The following MAMSTR variants were observed in gnomAD, a reference collection of about 807,000 sequenced individuals.
The protein encoded by MAMSTR is MEF2 activating motif and SAP domain containing transcriptional regulator, also known as MEF2-activating motif and SAP domain-containing transcriptional regulator.
In MAMSTR, 41 loss-of-function variants were observed where a neutral mutation model predicts 42.7. The observed-to-expected ratio is 0.96, with a 90% CI of 0.75 to 1.25. The LOEUF is 1.25. Ranked by LOEUF, MAMSTR falls within the 50% of genes most tolerant of loss-of-function variation. MAMSTR has a pLI of 0.00. For synonymous variants in MAMSTR, 265 were observed against 244.1 expected, an observed-to-expected ratio of 1.09 and a Z score of -0.80; for missense variants, 567 against 557.6, an observed-to-expected ratio of 1.02 and a Z score of -0.17.
chr19:48,714,344 A>T, intron 7 of MAMSTR, 22 bp downstream of exon 7: 1 of 1,356,430 alleles, frequency 7.4e-7, no homozygotes, highest in Non-Finnish European at 9.4e-7. Flanking sequence ...ATTGGTCCGC[A>T]AGCTCATAGC....
intron 3 of MAMSTR, among the ~76,000 whole-genome samples, chr19:48,716,104 G>T (rs1360098124): frequency 6.6e-6 from 1 of 152,070 alleles, no homozygotes; most frequent in Non-Finnish European, 1.5e-5. Context: ...GGCCGGCCGC[G>T]GTGGCTCACG....
downstream of MAMSTR, among the ~76,000 whole-genome samples, chr19:48,710,079 G>C (rs770932257): frequency 5.3e-5 from 8 of 151,492 alleles, no homozygotes; most frequent in Non-Finnish European, 1.0e-4. Flanking sequence ...CCGTGGTCTT[G>C]ATCTCCGGAC....
chr19:48,716,261 A>G (rs2033025059), intron 3 of MAMSTR, among the ~76,000 whole-genome samples: 1 of 150,708 alleles, frequency 6.6e-6, no homozygotes, highest in East Asian at 1.9e-4. Context: ...CTGTAATCTC[A>G]GCTACTCAGG....
At position 48,713,210 on chromosome 19, in the gene MAMSTR, A is replaced by G; in HGVS notation, c.*57T>C. The G allele has an allele frequency of 6.7e-7, 1 of 1,490,420 alleles. No homozygotes were observed. Among genetic ancestry groups the G allele is most frequent in the Non-Finnish European group, 9.0e-7 (1 of 1,114,918 alleles). The allele number at this position is 1,490,420 out of a possible 1,614,324, so 92.3% of individuals were successfully genotyped here. On this transcript the variant is annotated 3_prime_UTR_variant, in exon 10 of 10. Coordinates refer to ENST00000318083, the MANE Select transcript of MAMSTR (RefSeq NM_001130915.2). ...TCTGCTGGTAGTTCCCTCTCCTCCC[A>G]CAAGGAGCTTCTCTCCACCCCCATC...
chr19:48,713,717 A>G lies in MAMSTR; in HGVS notation c.963T>C (p.Asp321=). The change falls in exon 9 of 10, where the codon GAT becomes GAC. Residue 321 remains aspartate, a splice_region_variant and synonymous_variant. Coordinates refer to ENST00000318083, the MANE Select transcript of MAMSTR (RefSeq NM_001130915.2). ...DDILEDQVEP[D]DPLPPIPLDF... is the part of the protein sequence containing the mutation. Reference sequence around the variant, plus strand: ...TAAATCTAGCAGTTTGGATCCTACCATCAGGCTCCACCTGATCCTCCAGGA... The same window carrying G: ...TAAATCTAGCAGTTTGGATCCTACCGTCAGGCTCCACCTGATCCTCCAGGA... 2 of 1,614,120 alleles carry G rather than the reference A, an allele frequency of 1.2e-6. No individual in the cohort carries two copies. Among genetic ancestry groups the G allele is most frequent in the Non-Finnish European group, 1.7e-6 (2 of 1,179,998 alleles).
intron 3 of MAMSTR, chr19:48,716,065 G>A (rs2033012234): frequency 1.2e-6 from 1 of 816,602 alleles, no homozygotes; most frequent in Non-Finnish European, 1.6e-6. Context: ...TGGTTCTTGG[G>A]GAGAGGGAGA....
At position 48,713,063 on chromosome 19, in the gene MAMSTR, G is replaced by C. The variant is rs2032778407; in HGVS notation, c.*204C>G. 1 of 523,186 alleles carries C rather than the reference G, an allele frequency of 1.9e-6. No homozygotes were observed. The highest frequency in any genetic ancestry group is 3.3e-6 in the Non-Finnish European group (1 of 302,542). 32.4% of individuals were successfully genotyped at this position (523,186 alleles called of 1,614,324 possible). A position where few individuals can be genotyped will look rare whatever the true frequency, so the allele number is the denominator to read the frequency against. Reference sequence around the variant, plus strand: ...AAAAGAAGCCCCCCAACCATACCACGCCGGAGGGGGATCATAAGGAGGCCA... The same window carrying C: ...AAAAGAAGCCCCCCAACCATACCACCCCGGAGGGGGATCATAAGGAGGCCA... On this transcript the variant is annotated 3_prime_UTR_variant, in exon 10 of 10. Coordinates refer to ENST00000318083, the MANE Select transcript of MAMSTR (RefSeq NM_001130915.2).
At chr19:48,717,871 A>G (rs925160681) in intron 2 of MAMSTR, among the ~76,000 whole-genome samples, 1 of 151,686 alleles carries the variant, frequency 6.6e-6, no homozygotes, top group Non-Finnish European at 1.5e-5. Context: ...CACCCGGCTA[A>G]TTTTCTGTAT....
chr19:48,709,471 G>C (rs1392313137), downstream of MAMSTR, among the ~76,000 whole-genome samples: 1 of 152,198 alleles, frequency 6.6e-6, no homozygotes, highest in Non-Finnish European at 1.5e-5. Flanking sequence ...TTTTCCACCT[G>C]CAGTGGACAG....
chr19:48,718,883 C>A (rs1042356555), intron 2 of MAMSTR, 91 bp downstream of exon 2: 11 of 1,276,616 alleles, frequency 8.6e-6, no homozygotes, highest in African/African-American at 1.5e-5. Flanking sequence ...AAAACACAGG[C>A]CTCATGGGAC....
chr19:48,716,601 C>G, intron 3 of MAMSTR, 104 bp downstream of exon 3: 2 of 1,232,714 alleles, frequency 1.6e-6, no homozygotes, highest in Non-Finnish European at 2.1e-6. Context: ...GGGATGGAGA[C>G]TGAGCTGCAG....
chr19:48,713,646 G>A, intron 9 of MAMSTR, 70 bp downstream of exon 9: 1 of 1,606,408 alleles, frequency 6.2e-7, no homozygotes. Context: ...CCCAGCTCAC[G>A]CCTCCCTTGG....
chr19:48,707,867 GAAAGAA>G, downstream of MAMSTR, among the ~76,000 whole-genome samples: 1 of 105,430 alleles, frequency 9.5e-6, no homozygotes, highest in Admixed American at 9.6e-5. Flanking sequence ...AAGAAAGAAA[GAAAGAA>G]AGAAAGAAAG....
rs1460525633 is a variant in MAMSTR, at chr19:48,715,770, G to T, written c.98-3C>A. On this transcript the variant is annotated splice_polypyrimidine_tract_variant and splice_region_variant and intron_variant, in intron 3 of 9. Coordinates refer to ENST00000318083, the MANE Select transcript of MAMSTR (RefSeq NM_001130915.2). ...GATCCACGGGTCCGGATCCGAGACTGGAGAGACGGTGAAGGACCCTGAGAG... is the reference window on the plus strand; with the variant it reads ...GATCCACGGGTCCGGATCCGAGACTTGAGAGACGGTGAAGGACCCTGAGAG... 2.6e-6 allele frequency: 4 copies of T among 1,539,290 alleles called. No individual in the cohort carries two copies. In the African/African-American group the frequency reaches 4.2e-5, roughly 16 times the overall value.
chr19:48,707,552 C>G, the MAMSTR span, among the ~76,000 whole-genome samples: 1 of 151,060 alleles, frequency 6.6e-6, no homozygotes, highest in South Asian at 2.1e-4. Flanking sequence ...ACCAGCCTGG[C>G]TGACATGGTG....
chr19:48,716,664 TG>T (rs909431118), intron 3 of MAMSTR, 40 bp downstream of exon 3: 9 of 1,321,982 alleles, frequency 6.8e-6, no homozygotes, highest in South Asian at 2.2e-5. Flanking sequence ...CAGTGGGGAG[TG>T]GGGGGTCACC....
rs963144199 is a variant in MAMSTR, at chr19:48,713,298, C to T, written c.1217G>A (p.Arg406Gln). ...TGGATCCTCCAGCAGGTCCCACAGC[C>T]GGCTGCTGCTGGAGTCAGATAAGTC... ...SADLSDSSSS[R>Q]LWDLLEDPW is the part of the protein sequence containing the mutation. Residue 406 changes from arginine (R) to glutamine (Q), a missense_variant, in exon 10 of 10, where the codon CGG becomes CAG. Arg to Gln is a conservative substitution (Grantham distance 43). Transcript: ENST00000318083. 1.9e-6 allele frequency: 3 copies of T among 1,603,700 alleles called. No individual in the cohort carries two copies. Among genetic ancestry groups the T allele is most frequent in the South Asian group, 1.1e-5 (1 of 90,338 alleles).
chr19:48,713,735 C>G lies in MAMSTR; in HGVS notation c.945G>C (p.Glu315Asp), dbSNP rs143820544. 116 of 1,614,238 alleles carry G rather than the reference C, an allele frequency of 7.2e-5. No individual in the cohort carries two copies. The highest frequency in any genetic ancestry group is 3.7e-4 in the Admixed American group (22 of 60,034). ...LPNRGIDDIL[E>D]DQVEPDDPLP... ...TCCTACCATCAGGCTCCACCTGATC[C>G]TCCAGGATGTCATCGATGCCCCGGT... The change falls in exon 9 of 10, where the codon GAG becomes GAC. Residue 315 changes from glutamate to aspartate, a missense_variant. Transcript: ENST00000318083.
the MAMSTR span, among the ~76,000 whole-genome samples, chr19:48,707,246 G>A: frequency 6.6e-6 from 1 of 151,300 alleles, no homozygotes; most frequent in Non-Finnish European, 1.5e-5. Flanking sequence ...GTGAAACCCT[G>A]CCTCTACTAA....
Sources: gnomAD v4.1 joint callset for allele counts (sites outside exome capture counted in the v4.1 genomes callset) on GRCh38, gnomAD v4.1.1 for gene constraint, MANE v1.5 for transcripts, NCBI Gene and HGNC (gene_info 2026-07-23, HGNC 2026-07-21) for gene names.